ADAM32: variants seen among roughly 807,000 people sequenced by gnomAD.
ADAM32 encodes disintegrin and metalloproteinase domain-containing protein 32.
ADAM32 carries 89 observed loss-of-function variants against 114.9 expected under a neutral mutation model. That is an observed-to-expected ratio of 0.77 (90% CI 0.65 to 0.92). The LOEUF is 0.92. ADAM32 is among the 40% of genes least tolerant of loss of function. The pLI is 0.00. For missense variants in ADAM32, 870 were observed against 932.8 expected (o/e 0.93, Z 0.88); for synonymous variants, 285 against 307.5 (o/e 0.93, Z 0.77).
intron 13 of ADAM32, 79 bp downstream of exon 13, chr8:39,221,781 T>C (rs372966738): frequency 1.6e-5 from 13 of 788,472 alleles, no homozygotes; most frequent in East Asian, 1.5e-4. Flanking sequence ...GACCTACAGC[T>C]GTAATTACAT....
At chr8:39,254,854 C>A (rs1052928745) in intron 18 of ADAM32, among the ~76,000 whole-genome samples, 3 of 151,768 alleles carry the variant, frequency 2.0e-5, no homozygotes, top group African/African-American at 7.2e-5. Flanking sequence ...GTCTTTTATA[C>A]CTCACCTACT....
In ADAM32 at chr8:39,284,797, T is replaced by C. The variant is rs765254041; in HGVS notation, c.2362T>C (p.Ter788GlnextTer1). Reference sequence around the variant, plus strand: ...TTTTTTTGTTCTCTTCCACAGTAACTAGTGATTCCTTCAGAAGGCAACGGA... The same window carrying C: ...TTTTTTTGTTCTCTTCCACAGTAACCAGTGATTCCTTCAGAAGGCAACGGA... The part of the protein sequence containing the change: ...DSTQTQSSSN[*>Q] The change falls in exon 25 of 25, where the codon TAG (stop) becomes CAG (glutamine). Residue 788 changes from the stop codon to glutamine (Q), a stop_lost. Coordinates refer to ENST00000379907, the MANE Select transcript of ADAM32 (RefSeq NM_145004.7). The C allele has an allele frequency of 5.6e-6, 9 of 1,613,828 alleles. No individual in the cohort carries two copies. The highest frequency in any genetic ancestry group is 7.6e-6 in the Non-Finnish European group (9 of 1,179,796).
chr8:39,209,583 A>T (rs1392546378), intron 11 of ADAM32, among the ~76,000 whole-genome samples: 1 of 152,178 alleles, frequency 6.6e-6, no homozygotes, highest in Non-Finnish European at 1.5e-5. Flanking sequence ...TCATCTTTAC[A>T]GTCTGGCCTT....
intron 16 of ADAM32, among the ~76,000 whole-genome samples, chr8:39,240,600 G>A (rs1239454471): frequency 6.6e-6 from 1 of 152,210 alleles, no homozygotes; most frequent in Non-Finnish European, 1.5e-5. Flanking sequence ...AAAATTCCAT[G>A]TGGTTGGGGA....
In ADAM32 at chr8:39,129,985, C is replaced by A. The variant is rs1026770968; in HGVS notation, c.139-6672C>A. Reference sequence around the variant, plus strand: ...TTTTTTTTTTTTCAAGACAATGTCTCACTCTGTCACCCAGGTTGGAGTGCA... The same window carrying A: ...TTTTTTTTTTTTCAAGACAATGTCTAACTCTGTCACCCAGGTTGGAGTGCA... On this transcript the variant is annotated intron_variant, in intron 2 of 24. Coordinates refer to ENST00000379907, the MANE Select transcript of ADAM32 (RefSeq NM_145004.7). The A allele has an allele frequency of 6.3e-5, 21 of 334,446 alleles. No individual in the cohort carries two copies. In the Admixed American group the frequency reaches 6.7e-4, roughly 11 times the overall value. 20.7% of individuals were successfully genotyped at this position (334,446 alleles called of 1,614,324 possible).
intron 13 of ADAM32, among the ~76,000 whole-genome samples, chr8:39,222,585 ATTTTTAAT>A (rs1307286950): frequency 6.6e-6 from 1 of 152,092 alleles, no homozygotes. Context: ...GTTGAACTGC[ATTTTTAAT>A]AACACTTCTG....
At chr8:39,124,451 T>C (rs1329957083) in intron 2 of ADAM32, among the ~76,000 whole-genome samples, 1 of 151,064 alleles carries the variant, frequency 6.6e-6, no homozygotes, top group East Asian at 1.9e-4. Flanking sequence ...GGAGTCTTGC[T>C]CTGTCGACCA....
At chr8:39,157,682 G>A in intron 6 of ADAM32, 1 of 813,300 alleles carries the variant, frequency 1.2e-6, no homozygotes. Context: ...CTGCTGCTTG[G>A]TCTGCATCAA....
intron 3 of ADAM32, among the ~76,000 whole-genome samples, chr8:39,137,055 G>C (rs1019362356): frequency 5.3e-5 from 8 of 152,226 alleles, no homozygotes; most frequent in African/African-American, 1.9e-4. Context: ...TTTTATCAGA[G>C]AAGTGGGATG....
At chr8:39,266,079 C>G (rs1812332432) in intron 19 of ADAM32, among the ~76,000 whole-genome samples, 1 of 152,134 alleles carries the variant, frequency 6.6e-6, no homozygotes, top group Non-Finnish European at 1.5e-5. Context: ...CCCCTTCTCC[C>G]AAGCTGCCTT....
chr8:39,210,431 A>G (rs1808131540), intron 11 of ADAM32, among the ~76,000 whole-genome samples: 1 of 152,146 alleles, frequency 6.6e-6, no homozygotes, highest in South Asian at 2.1e-4. Flanking sequence ...GTTTTCTTGC[A>G]TGGATAATTG....
At chr8:39,114,583 C>T (rs1340949228) in intron 1 of ADAM32, among the ~76,000 whole-genome samples, 1 of 152,290 alleles carries the variant, frequency 6.6e-6, no homozygotes, top group Non-Finnish European at 1.5e-5. Context: ...TTCACTCTGT[C>T]CTTGTGGCTT....
At chr8:39,186,131 C>A (rs867185523) in intron 10 of ADAM32, among the ~76,000 whole-genome samples, 1 of 152,278 alleles carries the variant, frequency 6.6e-6, no homozygotes, top group African/African-American at 2.4e-5. Flanking sequence ...TCATTTGCAG[C>A]GTTCCCTTTC....
intron 2 of ADAM32, among the ~76,000 whole-genome samples, chr8:39,132,477 T>C (rs1391037395): frequency 1.3e-5 from 2 of 152,264 alleles, no homozygotes; most frequent in Non-Finnish European, 2.9e-5. Flanking sequence ...TGTCACATTA[T>C]TACATCCATA....
intron 19 of ADAM32, among the ~76,000 whole-genome samples, chr8:39,267,069 T>A (rs1471245812): frequency 6.6e-6 from 1 of 152,122 alleles, no homozygotes; most frequent in Non-Finnish European, 1.5e-5. Context: ...AACCCTCCAA[T>A]GGGGGCTGCC....
chr8:39,217,250 T>C (rs985683333), intron 12 of ADAM32, among the ~76,000 whole-genome samples: 1 of 152,056 alleles, frequency 6.6e-6, no homozygotes, highest in Non-Finnish European at 1.5e-5. Flanking sequence ...GAATCTCCAT[T>C]GTATATTATT....
At chr8:39,180,200 G>A (rs919787359) in intron 10 of ADAM32, among the ~76,000 whole-genome samples, 9 of 152,196 alleles carry the variant, frequency 5.9e-5, no homozygotes, top group African/African-American at 9.6e-5. Flanking sequence ...GGCGGGCCCC[G>A]CACTCGGAGC....
intron 19 of ADAM32, among the ~76,000 whole-genome samples, chr8:39,260,159 C>G (rs1811935585): frequency 1.3e-5 from 2 of 152,118 alleles, no homozygotes; most frequent in South Asian, 4.1e-4. Flanking sequence ...CTGTAATTAA[C>G]ACATCCATCA....
intron 6 of ADAM32, among the ~76,000 whole-genome samples, chr8:39,152,720 C>CAAAAA (rs112877602): frequency 8.0e-5 from 11 of 136,884 alleles, no homozygotes; most frequent in African/African-American, 3.4e-4. Flanking sequence ...GACTCCATCT[C>CAAAAA]AAAAAAAAAA....
Sources: gnomAD v4.1 joint callset for allele counts (sites outside exome capture counted in the v4.1 genomes callset) on GRCh38, gnomAD v4.1.1 for gene constraint, MANE v1.5 for transcripts, NCBI Gene and HGNC (gene_info 2026-07-23, HGNC 2026-07-21) for gene names.